Variants in C5orf24 observed in about 807,000 individuals in gnomAD.
The protein encoded by C5orf24 is UPF0461 protein C5orf24.
C5orf24 carries 4 observed loss-of-function variants against 9.8 expected under a neutral mutation model. That is an observed-to-expected ratio of 0.41 (90% CI 0.20 to 0.93). C5orf24 has a LOEUF of 0.93. C5orf24 is among the 40% of genes least tolerant of loss of function. The pLI is 0.33. For synonymous variants in C5orf24, 73 were observed against 81.3 expected (o/e 0.90, Z 0.55); for missense variants, 170 against 236.9 (o/e 0.72, Z 1.85).
the C5orf24 span, among the ~76,000 whole-genome samples, chr5:134,838,200 A>G: frequency 1.3e-5 from 2 of 152,218 alleles, no homozygotes; most frequent in East Asian, 1.9e-4. Context: ...ATCACTATTT[A>G]TCATTCAAAA....
rs1312689153 is a variant in C5orf24, at chr5:134,855,041, C to T, written c.141C>T (p.Asn47=). The T allele has an allele frequency of 1.2e-6, 2 of 1,614,136 alleles. No homozygotes were observed. Among genetic ancestry groups the T allele is most frequent in the Non-Finnish European group, 1.7e-6 (2 of 1,180,030 alleles). Residue 47 remains asparagine (N), a synonymous_variant, in exon 2 of 2, where the codon AAC becomes AAT. Coordinates refer to ENST00000394976, the MANE Select transcript of C5orf24 (RefSeq NM_001135586.1). ...SQQSKYSHTV[N]HKPMVCQRQD... ...AAAGCAAATACAGCCACACAGTCAACCACAAACCAATGGTTTGTCAGAGGC... is the reference window on the plus strand; with the variant it reads ...AAAGCAAATACAGCCACACAGTCAATCACAAACCAATGGTTTGTCAGAGGC...
intron 1 of C5orf24, among the ~76,000 whole-genome samples, chr5:134,853,528 C>CTTTTTTTTT (rs773207000): frequency 4.2e-3 from 433 of 104,186 alleles, no homozygotes; most frequent in Middle Eastern, 6.2e-3. Context: ...TCTTCTTCTT[C>CTTTTTTTTT]TTTTTTTTTT....
Position 134,857,699 on chromosome 5 carries a change from C to T in C5orf24, c.*2232C>T. On this transcript the variant is annotated 3_prime_UTR_variant, in exon 2 of 2. Coordinates refer to ENST00000394976, the MANE Select transcript of C5orf24 (RefSeq NM_001135586.1). ...TCATATGTTCGTTACCTACTCTGTA[C>T]ATGTATCTGTCATTTAGCTGTTTCT... 2 of 273,306 alleles carry T rather than the reference C, an allele frequency of 7.3e-6. No individual in the cohort carries two copies. Among genetic ancestry groups the T allele is most frequent in the Non-Finnish European group, 7.2e-6 (1 of 139,192 alleles). 16.9% of individuals were successfully genotyped at this position (273,306 alleles called of 1,614,324 possible).
chr5:134,845,508 C>G (rs1018531228), upstream of C5orf24, among the ~76,000 whole-genome samples: 7 of 152,320 alleles, frequency 4.6e-5, no homozygotes, highest in African/African-American at 1.7e-4. Context: ...TTGTTCCATC[C>G]TTTCCTGTGA....
In C5orf24 at chr5:134,859,615, G is replaced by A. The variant is rs1344119017; in HGVS notation, c.*4148G>A. 3 of 166,978 alleles carry A rather than the reference G, an allele frequency of 1.8e-5. No homozygotes were observed. The highest frequency in any genetic ancestry group is 2.9e-5 in the Non-Finnish European group (2 of 68,106). 10.3% of individuals were successfully genotyped at this position (166,978 alleles called of 1,614,324 possible). On this transcript the variant is annotated 3_prime_UTR_variant, in exon 2 of 2. Coordinates refer to ENST00000394976, the MANE Select transcript of C5orf24 (RefSeq NM_001135586.1). The stretch of plus-strand genomic sequence containing the variant: ...GAATAGATACTGTGTATGTTTTTAT[G>A]TCCATGAACTTGAGCTACTCGTGTG...
the C5orf24 span, among the ~76,000 whole-genome samples, chr5:134,836,026 T>C: frequency 3.3e-5 from 5 of 152,068 alleles, no homozygotes; most frequent in Non-Finnish European, 7.4e-5. Context: ...GTAGAATATT[T>C]ATAAAAAACT....
In C5orf24 at chr5:134,855,883, C is replaced by A; in HGVS notation, c.*416C>A. The A allele has an allele frequency of 9.8e-7, 1 of 1,017,080 alleles. No homozygotes were observed. The allele number at this position is 1,017,080 out of a possible 1,614,324, so 63.0% of individuals were successfully genotyped here. On this transcript the variant is annotated 3_prime_UTR_variant, in exon 2 of 2. Coordinates refer to ENST00000394976, the MANE Select transcript of C5orf24 (RefSeq NM_001135586.1). ...TTAACTGATGGAGCAAAAAAGCAAA[C>A]TAATGAATCAGGATTACTTGAGGTA... is the stretch of plus-strand genomic sequence containing the variant.
At chr5:134,836,818 G>A in the C5orf24 span, among the ~76,000 whole-genome samples, 2 of 151,488 alleles carry the variant, frequency 1.3e-5, no homozygotes, top group African/African-American at 4.9e-5. Flanking sequence ...CTGGGATTGC[G>A]GGCATGAGCC....
the C5orf24 span, among the ~76,000 whole-genome samples, chr5:134,833,909 C>T: frequency 6.6e-6 from 1 of 151,964 alleles, no homozygotes; most frequent in Non-Finnish European, 1.5e-5. Context: ...ATGGCAACAA[C>T]TTACAGGAGT....
upstream of C5orf24, among the ~76,000 whole-genome samples, chr5:134,843,405 G>A (rs1364373669): frequency 1.3e-5 from 2 of 152,120 alleles, no homozygotes; most frequent in Admixed American, 1.3e-4. Flanking sequence ...ATAGTATAAT[G>A]AACATCTAAG....
At chr5:134,849,647 CT>C (rs35375521) in intron 1 of C5orf24, among the ~76,000 whole-genome samples, 3,309 of 76,866 alleles carry the variant, frequency 0.043, 126 homozygotes, top group African/African-American at 0.15. Flanking sequence ...AAGTCAGTGT[CT>C]TTTTTTTTTT....
At chr5:134,851,703 T>A (rs1409065685) in intron 1 of C5orf24, among the ~76,000 whole-genome samples, 2 of 152,204 alleles carry the variant, frequency 1.3e-5, no homozygotes, top group Non-Finnish European at 2.9e-5. Flanking sequence ...AACCATTTCC[T>A]AATGTGTGAC....
At chr5:134,843,003 A>G (rs1755921933), upstream of C5orf24, among the ~76,000 whole-genome samples, 1 of 149,622 alleles carries the variant, frequency 6.7e-6, no homozygotes. Flanking sequence ...TTTTTTTGAG[A>G]CAGTCTCACT....
Position 134,855,384 on chromosome 5 carries a change from G to C in C5orf24, c.484G>C (p.Ala162Pro). Residue 162 changes from alanine (A) to proline (P), a missense_variant, in exon 2 of 2, where the codon GCT becomes CCT. Physicochemically the swap from Ala to Pro is conservative, Grantham distance 27 (BLOSUM62 -1). This residue lies in a region of C5orf24 where 56 missense variants were observed against 60.3 expected (regional missense o/e 0.93). Coordinates refer to ENST00000394976, the MANE Select transcript of C5orf24 (RefSeq NM_001135586.1). The stretch of plus-strand genomic sequence containing the variant: ...TCTTGGTTATGGCTGTGGCACTGCT[G>C]CTTTTCCTTACCCTATGATGCATGG... ...ADLGYGCGTA[A>P]FPYPMMHGRA... 1 of 1,614,160 alleles carries C rather than the reference G, an allele frequency of 6.2e-7. No homozygotes were observed. The highest frequency in any genetic ancestry group is 2.2e-5 in the East Asian group (1 of 44,882).
Position 134,855,552 on chromosome 5 carries a change from T to G in C5orf24, c.*85T>G. The G allele has an allele frequency of 6.5e-7, 1 of 1,545,762 alleles. No individual in the cohort carries two copies. The highest frequency in any genetic ancestry group is 1.2e-5 in the South Asian group (1 of 81,532). ...TTGGTTTTATTTTGATATACATAAT[T>G]TTATGGCCTGGGCTTTCCAAATTTG... On this transcript the variant is annotated 3_prime_UTR_variant, in exon 2 of 2. Coordinates refer to ENST00000394976, the MANE Select transcript of C5orf24 (RefSeq NM_001135586.1).
At chr5:134,848,138 C>G (rs1403181020) in intron 1 of C5orf24, among the ~76,000 whole-genome samples, 2 of 151,314 alleles carry the variant, frequency 1.3e-5, no homozygotes, top group Non-Finnish European at 2.9e-5. Context: ...TGGTGAAACC[C>G]GTCTCTACTA....
chr5:134,851,611 A>C (rs1231757261), intron 1 of C5orf24, among the ~76,000 whole-genome samples: 1 of 152,142 alleles, frequency 6.6e-6, no homozygotes, highest in East Asian at 1.9e-4. Context: ...CCCAAATGAC[A>C]GTGCTGCTAT....
the C5orf24 span, among the ~76,000 whole-genome samples, chr5:134,838,406 C>T: frequency 5.9e-5 from 9 of 152,190 alleles, no homozygotes; most frequent in Admixed American, 3.9e-4. Flanking sequence ...TGCGGTGGCT[C>T]ACGCCTGTAA....
At chr5:134,847,621 T>TA (rs1450166523) in intron 1 of C5orf24, among the ~76,000 whole-genome samples, 1 of 152,072 alleles carries the variant, frequency 6.6e-6, no homozygotes, top group Non-Finnish European at 1.5e-5. Flanking sequence ...AGATGATCTT[T>TA]AACCTTTGAT....
Sources: allele counts gnomAD v4.1 joint callset (sites outside exome capture counted in the v4.1 genomes callset), GRCh38; gene constraint gnomAD v4.1.1; regional missense constraint gnomAD v4.1.1; transcripts MANE v1.5; gene names NCBI Gene and HGNC (gene_info 2026-07-23, HGNC 2026-07-21).